Variants in SNX6 observed in about 807,000 individuals in gnomAD.
SNX6 encodes the protein sorting nexin-6.
Under a neutral mutation model 63.0 loss-of-function variants are expected in SNX6, and 34 were observed. The observed-to-expected ratio is 0.54, with a 90% confidence interval of 0.41 to 0.72. The LOEUF is 0.72. SNX6 is among the 30% of genes least tolerant of loss of function. The pLI, the probability that SNX6 is intolerant of heterozygous loss-of-function variation, is 0.00. For synonymous variants in SNX6, 170 were observed against 164.2 expected (o/e 1.04, Z -0.27); for missense variants, 398 against 471.4 (o/e 0.84, Z 1.44).
chr14:34,606,152 T>C (rs1883006478), intron 4 of SNX6, among the ~76,000 whole-genome samples: 1 of 150,086 alleles, frequency 6.7e-6, no homozygotes, highest in African/African-American at 2.5e-5. Flanking sequence ...CCAGCCTGGG[T>C]GATAGAGGAA....
intron 2 of SNX6, among the ~76,000 whole-genome samples, chr14:34,622,569 CAAAAAA>C (rs35554563): frequency 2.0e-5 from 2 of 99,696 alleles, no homozygotes; most frequent in Admixed American, 1.1e-4. Flanking sequence ...GGCAATAGAG[CAAAAAA>C]AAAAAAAAAA....
At chr14:34,602,625 T>C (rs1208444016) in intron 6 of SNX6, among the ~76,000 whole-genome samples, 1 of 149,556 alleles carries the variant, frequency 6.7e-6, no homozygotes, top group East Asian at 2.0e-4. Flanking sequence ...ACAAACATTC[T>C]AAAAAAAGAC....
intron 2 of SNX6, among the ~76,000 whole-genome samples, chr14:34,629,057 A>G (rs1222285949): frequency 6.6e-6 from 1 of 151,516 alleles, no homozygotes. Flanking sequence ...CGGAGTGTGT[A>G]TGTGGGGGGT....
At chr14:34,610,477 TAAG>T (rs540954324) in intron 2 of SNX6, among the ~76,000 whole-genome samples, 229 of 151,196 alleles carry the variant, frequency 1.5e-3, no homozygotes, top group African/African-American at 5.1e-3. Context: ...AGCACAATAA[TAAG>T]AAGACTATCA....
intron 2 of SNX6, among the ~76,000 whole-genome samples, chr14:34,629,126 C>A (rs1445051804): frequency 7.4e-6 from 1 of 135,916 alleles, no homozygotes; most frequent in Non-Finnish European, 1.6e-5. Context: ...GCTTAGATCT[C>A]AAATGTTCTC....
rs1318231666 is a variant in SNX6 at position 34,610,371 on chromosome 14, AAAC to A, written c.55-632_55-630del. ...CCGTCTCAAAAAAAAAAAAAAAAAA[AAAC>A]TTCTTCCAAAAAAAAAAACAAAACC... On this transcript the variant is annotated intron_variant, in intron 2 of 13. Coordinates refer to ENST00000362031, the MANE Select transcript of SNX6 (RefSeq NM_152233.4). Among the ~76,000 whole-genome samples the A allele has an allele frequency of 4.0e-5, 6 of 150,466 alleles. No individual in the cohort carries two copies. In the East Asian group the frequency reaches 5.8e-4, roughly 15 times the overall value.
intron 13 of SNX6, among the ~76,000 whole-genome samples, chr14:34,566,472 C>T (rs1881187491): frequency 1.3e-5 from 2 of 152,116 alleles, no homozygotes; most frequent in African/African-American, 4.8e-5. Flanking sequence ...TCTTGGCCTC[C>T]CAAAGTGTTG....
chr14:34,607,965 C>A, intron 4 of SNX6, 65 bp downstream of exon 4: 1 of 826,020 alleles, frequency 1.2e-6, no homozygotes, highest in Non-Finnish European at 1.9e-6. Context: ...AACAAGATTC[C>A]AAAACATAAC....
chr14:34,620,221 C>A (rs1487587293), intron 2 of SNX6, among the ~76,000 whole-genome samples: 1 of 152,164 alleles, frequency 6.6e-6, no homozygotes, highest in East Asian at 1.9e-4. Context: ...CACATTACAC[C>A]CCACCCTCAA....
intron 10 of SNX6, 21 bp downstream of exon 10, chr14:34,581,540 T>A: frequency 7.6e-7 from 1 of 1,323,894 alleles, no homozygotes; most frequent in Non-Finnish European, 1.1e-6. Context: ...ATGCAGTATA[T>A]CTCTATAATT....
At chr14:34,589,012 T>C (rs1208498985) in intron 8 of SNX6, among the ~76,000 whole-genome samples, 4 of 152,004 alleles carry the variant, frequency 2.6e-5, no homozygotes, top group South Asian at 2.1e-4. Flanking sequence ...CATGCATCTG[T>C]AGTCCCAGCT....
chr14:34,617,737 C>T (rs905327063), intron 2 of SNX6, among the ~76,000 whole-genome samples: 188 of 151,254 alleles, frequency 1.2e-3, no homozygotes, highest in African/African-American at 4.1e-3. Context: ...CTGGCTAACA[C>T]GGTGAAACCC....
At chr14:34,573,312 C>T (rs1196131431) in intron 11 of SNX6, among the ~76,000 whole-genome samples, 2 of 152,096 alleles carry the variant, frequency 1.3e-5, no homozygotes, top group African/African-American at 2.4e-5. Flanking sequence ...GGATGGTTCA[C>T]GCCTGTAATC....
intron 11 of SNX6, among the ~76,000 whole-genome samples, chr14:34,572,972 G>A (rs1049934208): frequency 2.6e-5 from 4 of 151,786 alleles, no homozygotes; most frequent in African/African-American, 4.8e-5. Context: ...GTGAGCCACC[G>A]CACCTGGCCT....
intron 10 of SNX6, among the ~76,000 whole-genome samples, chr14:34,578,787 A>G (rs1481982728): frequency 6.6e-6 from 1 of 150,724 alleles, no homozygotes. Context: ...AAAAATACAA[A>G]AATTAGCTGG....
chr14:34,608,227 G>C, intron 3 of SNX6, 87 bp from the exon 4 acceptor site: 1 of 645,880 alleles, frequency 1.5e-6, no homozygotes. Flanking sequence ...CACCAGGCTG[G>C]AGTGCAGTCG....
chr14:34,603,786 G>C (rs1490353555), intron 5 of SNX6, among the ~76,000 whole-genome samples: 4 of 152,032 alleles, frequency 2.6e-5, no homozygotes, highest in Non-Finnish European at 4.4e-5. Flanking sequence ...TCTACAGGAA[G>C]TGTGCTACAA....
chr14:34,615,216 C>G (rs1883373501), intron 2 of SNX6, among the ~76,000 whole-genome samples: 1 of 151,830 alleles, frequency 6.6e-6, no homozygotes, highest in Non-Finnish European at 1.5e-5. Flanking sequence ...CGGTTTTGGT[C>G]TTGAATTCTA....
Position 34,603,370 on chromosome 14 carries a change from A to T in SNX6, c.494T>A (p.Val165Asp). 6.2e-7 allele frequency: 1 copy of T among 1,610,920 alleles called. No individual in the cohort carries two copies. The highest frequency in any genetic ancestry group is 8.5e-7 in the Non-Finnish European group (1 of 1,178,632). Residue 165 changes from valine (V) to aspartate (D), a missense_variant, in exon 6 of 14, where the codon GTC becomes GAC. Physicochemically the swap from Val to Asp is radical, Grantham distance 152. Transcript: ENST00000362031. ...PILRRDLNFH[V>D]FLEYNQDLSV... is the part of the protein sequence containing the mutation. ...CACATCTTGATTATATTCCAAGAAG[A>T]CATGGAAATTTAAATCTCTTCTCAA...
Sources: gnomAD v4.1 joint callset for allele counts (sites outside exome capture counted in the v4.1 genomes callset) on GRCh38, gnomAD v4.1.1 for gene constraint, MANE v1.5 for transcripts, NCBI Gene and HGNC (gene_info 2026-07-23, HGNC 2026-07-21) for gene names.